Variants in TRPM3 observed in about 807,000 individuals in gnomAD.
TRPM3 encodes the protein long transient receptor potential channel 3.
Under a neutral mutation model 181.2 loss-of-function variants are expected in TRPM3, and 77 were observed. The ratio of observed to expected loss-of-function variants is 0.42; its 90% CI spans 0.35 to 0.51. TRPM3 has a LOEUF of 0.51. Among genes scored for constraint, TRPM3 ranks in the 20% least tolerant of loss-of-function variants. The pLI, the probability that TRPM3 is intolerant of heterozygous loss-of-function variation, is 0.01. For synonymous variants in TRPM3, 745 were observed against 796.4 expected (o/e 0.94, Z 1.09); for missense variants, 1,759 against 2,196.7 (o/e 0.80, Z 3.98).
intron 1 of TRPM3, among the ~76,000 whole-genome samples, chr9:70,983,057 G>C (rs2097379820): frequency 6.6e-6 from 1 of 152,074 alleles, no homozygotes; most frequent in Non-Finnish European, 1.5e-5. Flanking sequence ...AACCCCGTGA[G>C]TCTGTAATCT....
intron 1 of TRPM3, among the ~76,000 whole-genome samples, chr9:71,177,834 A>G (rs1018597912): frequency 2.0e-5 from 3 of 150,914 alleles, no homozygotes; most frequent in African/African-American, 7.3e-5. Context: ...TCTTACATTG[A>G]CTTTCATGAG....
At chr9:70,828,636 T>C (rs576853737) in intron 5 of TRPM3, among the ~76,000 whole-genome samples, 1 of 152,210 alleles carries the variant, frequency 6.6e-6, no homozygotes, top group African/African-American at 2.4e-5. Context: ...CTACCTTTTT[T>C]GTTATTTTAA....
At chr9:71,293,770 T>C (rs2086026005) in intron 1 of TRPM3, among the ~76,000 whole-genome samples, 1 of 151,906 alleles carries the variant, frequency 6.6e-6, no homozygotes. Flanking sequence ...ATCTTGAAAA[T>C]ATATCCCTAC....
chr9:70,920,426 G>T (rs1306336679), intron 1 of TRPM3, among the ~76,000 whole-genome samples: 1 of 152,124 alleles, frequency 6.6e-6, no homozygotes, highest in Admixed American at 6.6e-5. Flanking sequence ...AAAAAGAAAA[G>T]AAACTGTGGA....
Position 70,760,084 on chromosome 9 carries a change from G to A in TRPM3, c.1272+1517C>T, listed in dbSNP as rs192431492. Among the ~76,000 whole-genome samples, 215 of 152,056 alleles carry A rather than the reference G, an allele frequency of 1.4e-3. 2 individuals are homozygous for A. Among genetic ancestry groups the A allele is most frequent in the Non-Finnish European group, 2.6e-3 (180 of 67,972 alleles). ...AAATGCAGTTAACTTTTTCAGCAGA[G>A]ACCACGATTAAACAACATGAAATTT... On this transcript the variant is annotated intron_variant, in intron 8 of 25. Coordinates refer to ENST00000677713, the MANE Select transcript of TRPM3 (RefSeq NM_001366145.2).
intron 1 of TRPM3, among the ~76,000 whole-genome samples, chr9:71,279,488 GA>G (rs2084527582): frequency 6.6e-6 from 1 of 152,194 alleles, no homozygotes; most frequent in African/African-American, 2.4e-5. Context: ...GCAAAAAAAT[GA>G]AACTGTATGT....
At chr9:71,411,639 G>A (rs1267708685) in intron 1 of TRPM3, among the ~76,000 whole-genome samples, 1 of 152,130 alleles carries the variant, frequency 6.6e-6, no homozygotes, top group African/African-American at 2.4e-5. Context: ...TCATGGATAG[G>A]AAGAATCAAT....
intron 1 of TRPM3, among the ~76,000 whole-genome samples, chr9:71,115,318 A>T (rs2072107256): frequency 6.6e-6 from 1 of 152,064 alleles, no homozygotes; most frequent in Non-Finnish European, 1.5e-5. Context: ...TACTCAGTCA[A>T]CACCTCCGAG....
chr9:70,537,731 T>C (rs1247918438), intron 25 of TRPM3, among the ~76,000 whole-genome samples: 2 of 152,120 alleles, frequency 1.3e-5, no homozygotes. Context: ...ACAGTTCTTA[T>C]TGAAGTAGAG....
In TRPM3 at chr9:71,256,150, C is replaced by T. The variant is rs534983719; in HGVS notation, c.183+190503G>A. On this transcript the variant is annotated intron_variant, in intron 1 of 24. Transcript: ENST00000357533. ...TAAGTAATCTTCAAAGTTACAAATG[C>T]TCAACATTTGATTGGAGAGCATCTT... Among the ~76,000 whole-genome samples the T allele has an allele frequency of 3.9e-5, 6 of 152,242 alleles. No homozygotes were observed. In the South Asian group the frequency reaches 1.2e-3, roughly 32 times the overall value.
intron 9 of TRPM3, among the ~76,000 whole-genome samples, chr9:70,678,994 G>A (rs149005154): frequency 0.018 from 2,745 of 152,276 alleles, 95 homozygotes; most frequent in African/African-American, 0.06. Flanking sequence ...ATTCCCATTA[G>A]CATCAACTGC....
At chr9:71,072,055 C>A (rs1254882157) in intron 1 of TRPM3, among the ~76,000 whole-genome samples, 14 of 152,282 alleles carry the variant, frequency 9.2e-5, no homozygotes, top group African/African-American at 2.6e-4. Context: ...CTCATAGGCC[C>A]AGACCTGTAA....
intron 1 of TRPM3, among the ~76,000 whole-genome samples, chr9:71,345,107 T>A (rs1162844701): frequency 6.6e-6 from 1 of 152,142 alleles, no homozygotes; most frequent in African/African-American, 2.4e-5. Context: ...CTGGAGAGGA[T>A]GTGGAGAAAT....
At chr9:71,251,399 T>C (rs1404947935) in intron 1 of TRPM3, among the ~76,000 whole-genome samples, 1 of 152,200 alleles carries the variant, frequency 6.6e-6, no homozygotes, top group African/African-American at 2.4e-5. Flanking sequence ...TAAATGCTTA[T>C]ATCTTCTCTC....
In TRPM3 at chr9:71,345,601, C is replaced by CAAGGGGAAG. The variant is rs566733639; in HGVS notation, c.183+101043_183+101051dup. Among the ~76,000 whole-genome samples, 144 of 150,994 alleles carry CAAGGGGAAG rather than the reference C, an allele frequency of 9.5e-4. 2 individuals carry two copies. The highest frequency in any genetic ancestry group is 3.5e-3 in the African/African-American group (143 of 41,142). On this transcript the variant is annotated intron_variant, in intron 1 of 24. Coordinates refer to the TRPM3 transcript ENST00000357533. ...CCAGGGCCTGTCGGGGGGTGGGGGG[C>CAAGGGGAAG]AAGGGGAAGGAGAGCATTAGGAGAA...
At chr9:71,395,350 C>T (rs1026042589) in intron 1 of TRPM3, among the ~76,000 whole-genome samples, 2 of 152,172 alleles carry the variant, frequency 1.3e-5, no homozygotes, top group African/African-American at 4.8e-5. Context: ...ACTGTGGACT[C>T]CTATATCACC....
intron 1 of TRPM3, among the ~76,000 whole-genome samples, chr9:70,937,175 T>A (rs1427925770): frequency 2.0e-5 from 3 of 151,948 alleles, no homozygotes; most frequent in Non-Finnish European, 4.4e-5. Flanking sequence ...AAAAAAAAAA[T>A]AAGTCTTTCA....
chr9:71,198,552 C>G (rs1320652887), intron 1 of TRPM3, among the ~76,000 whole-genome samples: 4 of 152,024 alleles, frequency 2.6e-5, no homozygotes, highest in African/African-American at 9.7e-5. Flanking sequence ...TTTCATTGAG[C>G]AGTAGTTTGT....
intron 22 of TRPM3, among the ~76,000 whole-genome samples, chr9:70,586,078 G>T (rs780912250): frequency 2.6e-5 from 4 of 152,116 alleles, no homozygotes; most frequent in African/African-American, 9.7e-5. Flanking sequence ...CTCATATCGA[G>T]CGGCTCAGCT....
Sources: gnomAD v4.1 joint callset for allele counts (sites outside exome capture counted in the v4.1 genomes callset) on GRCh38, gnomAD v4.1.1 for gene constraint, MANE v1.5 for transcripts, NCBI Gene and HGNC (gene_info 2026-07-23, HGNC 2026-07-21) for gene names.